Variants in CTDP1 observed in about 807,000 individuals in gnomAD.
CTDP1 encodes the protein CTD phosphatase 1.
In CTDP1, 47 loss-of-function variants were observed where a neutral mutation model predicts 91.8. The ratio of observed to expected loss-of-function variants is 0.51; its 90% CI spans 0.41 to 0.65. The LOEUF is 0.65. Among genes scored for constraint, CTDP1 ranks in the 30% least tolerant of loss-of-function variants. The pLI, the probability that CTDP1 is intolerant of heterozygous loss-of-function variation, is 0.00. For missense variants in CTDP1, 1,272 were observed against 1,373.7 expected, an observed-to-expected ratio of 0.93 and a Z score of 1.17; for synonymous variants, 656 against 598.5, an observed-to-expected ratio of 1.10 and a Z score of -1.40.
At chr18:79,733,259 C>T (rs745440865) in intron 11 of CTDP1, among the ~76,000 whole-genome samples, 3 of 151,864 alleles carry the variant, frequency 2.0e-5, no homozygotes, top group South Asian at 2.1e-4. Flanking sequence ...TGGATCCTCG[C>T]GCCGCAGCCT....
intron 4 of CTDP1, among the ~76,000 whole-genome samples, chr18:79,700,388 CA>C (rs1280612585): frequency 2.6e-5 from 4 of 152,224 alleles, no homozygotes; most frequent in Non-Finnish European, 5.9e-5. Context: ...AGTGAACACA[CA>C]GATGATGAGA....
At chr18:79,721,277 C>A (rs779834184) in intron 10 of CTDP1, among the ~76,000 whole-genome samples, 131 of 152,122 alleles carry the variant, frequency 8.6e-4, no homozygotes, top group Non-Finnish European at 1.5e-3. Context: ...TTAATTAATT[C>A]CAACTCTCCA....
intron 1 of CTDP1, among the ~76,000 whole-genome samples, chr18:79,687,791 A>G (rs570322699): frequency 2.6e-5 from 4 of 152,242 alleles, no homozygotes; most frequent in South Asian, 4.1e-4. Flanking sequence ...ATTTGACACC[A>G]TGGCTCCCTG....
intron 10 of CTDP1, among the ~76,000 whole-genome samples, chr18:79,719,072 G>A (rs1010105151): frequency 1.8e-4 from 27 of 152,358 alleles, no homozygotes; most frequent in African/African-American, 5.5e-4. Context: ...GGCAGCTCCC[G>A]AACCTGGGTG....
At chr18:79,725,896 G>A (rs970161781) in intron 10 of CTDP1, among the ~76,000 whole-genome samples, 10 of 152,152 alleles carry the variant, frequency 6.6e-5, no homozygotes, top group East Asian at 1.9e-4. Context: ...GTCTTTGACC[G>A]TTTTTCCTGT....
At chr18:79,742,849 T>C (rs974721841) in intron 12 of CTDP1, among the ~76,000 whole-genome samples, 4 of 152,146 alleles carry the variant, frequency 2.6e-5, no homozygotes, top group African/African-American at 9.7e-5. Context: ...TTTCAGCTAC[T>C]CAGGAGGCTG....
intron 4 of CTDP1, chr18:79,703,184 C>T (rs1207192393): frequency 6.6e-6 from 1 of 152,148 alleles, no homozygotes; most frequent in Non-Finnish European, 1.5e-5. Flanking sequence ...TCATGACGGT[C>T]GTGACTAACT....
intron 12 of CTDP1, among the ~76,000 whole-genome samples, chr18:79,741,219 C>T (rs915224339): frequency 6.9e-6 from 1 of 145,512 alleles, no homozygotes; most frequent in African/African-American, 2.6e-5. Flanking sequence ...TCCCTGAGGT[C>T]CCCCGTGTGG....
At chr18:79,704,660 T>TG in intron 4 of CTDP1, 107 bp from the exon 5 acceptor site, 7 of 1,462,942 alleles carry the variant, frequency 4.8e-6, no homozygotes, top group Non-Finnish European at 6.6e-6. Context: ...AACGCTTGTC[T>TG]GGGGCACACG....
chr18:79,746,370 G>A (rs1456656744), intron 12 of CTDP1, among the ~76,000 whole-genome samples: 1 of 151,842 alleles, frequency 6.6e-6, no homozygotes, highest in Non-Finnish European at 1.5e-5. Context: ...CCTCCCATGC[G>A]CGTTCTGTCC....
At chr18:79,749,623 G>A (rs1203501590) in intron 12 of CTDP1, among the ~76,000 whole-genome samples, 1 of 152,102 alleles carries the variant, frequency 6.6e-6, no homozygotes, top group Non-Finnish European at 1.5e-5. Context: ...CCCGAGGTCA[G>A]CGCCATGCAC....
In CTDP1 at chr18:79,713,556, C is replaced by T. The variant is rs536738498; in HGVS notation, c.1030+418C>T. Among the ~76,000 whole-genome samples the T allele has an allele frequency of 6.6e-6, 1 of 152,346 alleles. No individual in the cohort carries two copies. The highest frequency in any genetic ancestry group is 6.5e-5 in the Admixed American group (1 of 15,302). ...GGTCAGGCTGGGCGCTGGCTGGGGC[C>T]CCAGAGAGCAGCGTGGTTTAACTTG... On this transcript the variant is annotated intron_variant, in intron 7 of 12. Coordinates refer to ENST00000613122, the MANE Select transcript of CTDP1 (RefSeq NM_004715.5). The surrounding 1 kb of genome is among the most constrained non-coding windows in gnomAD (Gnocchi z 4.7).
At chr18:79,734,078 G>C (rs11662106) in intron 11 of CTDP1, among the ~76,000 whole-genome samples, 78,200 of 152,080 alleles carry the variant, frequency 0.51, 20,801 homozygotes, top group Middle Eastern at 0.65. Flanking sequence ...ACGTGTGTTT[G>C]GTAGAAACCA....
At chr18:79,741,434 T>TAGCA (rs1444481804) in intron 12 of CTDP1, among the ~76,000 whole-genome samples, 1 of 152,226 alleles carries the variant, frequency 6.6e-6, no homozygotes, top group African/African-American at 2.4e-5. Flanking sequence ...CCAAGAAACA[T>TAGCA]AGCACAGCAT....
upstream of CTDP1, chr18:79,679,301 G>C: frequency 4.8e-6 from 2 of 416,304 alleles, no homozygotes; most frequent in Non-Finnish European, 4.9e-6. Flanking sequence ...GGGACACGAG[G>C]CGGGGCCACC....
At chr18:79,687,991 T>C (rs2085541002) in intron 1 of CTDP1, among the ~76,000 whole-genome samples, 2 of 152,238 alleles carry the variant, frequency 1.3e-5, no homozygotes, top group South Asian at 4.1e-4. Context: ...CACGGCTCTG[T>C]GGATGTGTGC....
chr18:79,704,451 C>T (rs528584447), intron 4 of CTDP1, among the ~76,000 whole-genome samples: 6 of 151,492 alleles, frequency 4.0e-5, no homozygotes, highest in South Asian at 2.1e-4. Context: ...GGCGTGTACA[C>T]GCACACGTGT....
At chr18:79,726,812 T>A (rs372764845) in intron 10 of CTDP1, among the ~76,000 whole-genome samples, 1 of 119,860 alleles carries the variant, frequency 8.3e-6, no homozygotes, top group East Asian at 2.7e-4. Context: ...GTGACGCTGT[T>A]GCTGGTGGAC....
At chr18:79,698,530 C>T (rs990785965) in intron 4 of CTDP1, among the ~76,000 whole-genome samples, 1 of 152,290 alleles carries the variant, frequency 6.6e-6, no homozygotes, top group Admixed American at 6.5e-5. Flanking sequence ...ACACGAAACC[C>T]TTCCTGTGCC....
Sources: gnomAD v4.1 joint callset for allele counts (sites outside exome capture counted in the v4.1 genomes callset) on GRCh38, gnomAD v4.1.1 for gene constraint, Gnocchi (gnomAD v3.1) non-coding constraint, MANE v1.5 for transcripts, NCBI Gene and HGNC (gene_info 2026-07-23, HGNC 2026-07-21) for gene names.